The following C16orf46 variants were observed in gnomAD, a reference collection of about 807,000 sequenced individuals.
The protein encoded by C16orf46 is chromosome 16 open reading frame 46, also known as uncharacterized protein C16orf46.
A neutral mutation model predicts 5.5 loss-of-function variants in C16orf46; 7 were observed. The ratio of observed to expected loss-of-function variants is 1.28; its 90% CI spans 0.73 to 2.40. The LOEUF is 2.40. Ranked by LOEUF, C16orf46 falls within the 30% of genes most tolerant of loss-of-function variation. The pLI is 0.00. For missense variants in C16orf46, 614 were observed against 476.0 expected (o/e 1.29, Z -2.70); for synonymous variants, 200 against 184.1 (o/e 1.09, Z -0.70).
chr16:81,064,596 A>G (rs1047277783), intron 2 of C16orf46, among the ~76,000 whole-genome samples: 6 of 151,328 alleles, frequency 4.0e-5, no homozygotes, highest in Non-Finnish European at 5.9e-5. Flanking sequence ...AAAAATACAA[A>G]ATTAGCTGGG....
chr16:81,073,335 C>A (rs2151759122), intron 1 of C16orf46, among the ~76,000 whole-genome samples: 2 of 152,230 alleles, frequency 1.3e-5, no homozygotes, highest in South Asian at 2.1e-4. Flanking sequence ...AGATACAACT[C>A]TGATTAGAGG....
chr16:81,067,186 C>T (rs1971679100), intron 1 of C16orf46, among the ~76,000 whole-genome samples: 2 of 152,120 alleles, frequency 1.3e-5, no homozygotes, highest in South Asian at 2.1e-4. Context: ...CCAGAAAATA[C>T]CTTTTCTAGT....
At chr16:81,074,598 T>C (rs937202909) in intron 1 of C16orf46, among the ~76,000 whole-genome samples, 5 of 152,128 alleles carry the variant, frequency 3.3e-5, no homozygotes, top group African/African-American at 9.7e-5. Flanking sequence ...TTGGCTAGGA[T>C]GGTCTCGATC....
At chr16:81,073,127 G>T (rs974099804) in intron 1 of C16orf46, among the ~76,000 whole-genome samples, 2 of 152,190 alleles carry the variant, frequency 1.3e-5, no homozygotes, top group Admixed American at 1.3e-4. Flanking sequence ...AAATACAGTT[G>T]CTGTTTCACA....
downstream of C16orf46, among the ~76,000 whole-genome samples, chr16:81,057,493 G>A (rs1971333187): frequency 6.8e-6 from 1 of 146,382 alleles, no homozygotes; most frequent in Non-Finnish European, 1.5e-5. Context: ...AGTTTGTAGT[G>A]AGTTGAGATC....
chr16:81,063,098 T>A (rs554990353), intron 3 of C16orf46, among the ~76,000 whole-genome samples: 1 of 151,730 alleles, frequency 6.6e-6, no homozygotes, highest in East Asian at 1.9e-4. Context: ...ATACAAAAAT[T>A]AGCTGGGCAT....
At chr16:81,060,793 C>G (rs188843093), downstream of C16orf46, 445 of 224,206 alleles carry the variant, frequency 2.0e-3, 3 homozygotes, top group African/African-American at 9.7e-3. Context: ...GGCTGACGTG[C>G]GGCCAGCATG....
intron 1 of C16orf46, among the ~76,000 whole-genome samples, chr16:81,069,559 C>T (rs904160633): frequency 1.3e-5 from 2 of 152,110 alleles, no homozygotes; most frequent in Admixed American, 6.5e-5. Context: ...TAAGGAGAAG[C>T]GGGGCTAATA....
Position 81,061,377 on chromosome 16 carries a change from C to A in C16orf46, c.972G>T (p.Leu324Phe). Residue 324 changes from leucine to phenylalanine, a missense_variant, in exon 4 of 4, where the codon TTG (leucine) becomes TTT (phenylalanine). By Grantham distance (22) the Leu-to-Phe change is conservative. Coordinates refer to ENST00000299578, the MANE Select transcript of C16orf46 (RefSeq NM_152337.3). ...DPSNVRYLAA[L>F]QLLQKRGVQS... ...GCACTCCCCGTTTCTGCAGAAGCTG[C>A]AAGGCAGCAAGGTAGCGAACGTTGC... 1.9e-6 allele frequency: 3 copies of A among 1,614,104 alleles called. No homozygotes were observed. The highest frequency in any genetic ancestry group is 2.5e-6 in the Non-Finnish European group (3 of 1,180,004).
intron 2 of C16orf46, among the ~76,000 whole-genome samples, chr16:81,064,607 T>C (rs1200746804): frequency 2.0e-5 from 3 of 150,814 alleles, no homozygotes; most frequent in African/African-American, 7.3e-5. Context: ...ATTAGCTGGG[T>C]GTGGTGCTGC....
rs773915547 is a variant in C16orf46 at position 81,061,138 on chromosome 16, C to T, written c.*23G>A. The stretch of plus-strand genomic sequence containing the variant: ...GGCTGCATCTCAAACGGTGCTTATT[C>T]CCAGGGGTTCTACCGCAACCGCTCA... On this transcript the variant is annotated 3_prime_UTR_variant, in exon 4 of 4. Coordinates refer to ENST00000299578, the MANE Select transcript of C16orf46 (RefSeq NM_152337.3). The T allele has an allele frequency of 2.3e-5, 36 of 1,558,896 alleles. No individual in the cohort carries two copies. The highest frequency in any genetic ancestry group is 3.9e-5 in the Admixed American group (2 of 51,268).
intron 1 of C16orf46, among the ~76,000 whole-genome samples, chr16:81,071,373 G>A (rs940739992): frequency 1.3e-5 from 2 of 152,232 alleles, no homozygotes; most frequent in Non-Finnish European, 1.5e-5. Context: ...TGCAGGGGAA[G>A]AGAAGTCACT....
chr16:81,060,010 G>T (rs942400428), downstream of C16orf46, among the ~76,000 whole-genome samples: 1 of 151,756 alleles, frequency 6.6e-6, no homozygotes, highest in Admixed American at 6.6e-5. Flanking sequence ...GGATGGTCTC[G>T]ATCTCCTGAC....
At chr16:81,057,642 A>G (rs1212641309), downstream of C16orf46, among the ~76,000 whole-genome samples, 1 of 150,358 alleles carries the variant, frequency 6.7e-6, no homozygotes, top group Non-Finnish European at 1.5e-5. Flanking sequence ...TACCATCATC[A>G]TCTTTTGAAA....
Position 81,061,566 on chromosome 16 carries a change from T to A in C16orf46, c.783A>T (p.Lys261Asn). ...YAYGLKTADG[K>N]GEKRASELAK... ...CCAGCTCACTGGCTCTTTTTTCACC[T>A]TTCCCATCTGCTGTTTTCAAGCCAT... The change falls in exon 4 of 4, where the codon AAA (lysine) becomes AAT (asparagine). Residue 261 changes from lysine (K) to asparagine (N), a missense_variant. Transcript: ENST00000299578. The A allele has an allele frequency of 6.2e-7, 1 of 1,614,176 alleles. No individual in the cohort carries two copies. The highest frequency in any genetic ancestry group is 1.6e-4 in the Middle Eastern group (1 of 6,062).
intron 1 of C16orf46, among the ~76,000 whole-genome samples, chr16:81,068,109 G>C (rs1032098894): frequency 1.3e-5 from 2 of 152,188 alleles, no homozygotes; most frequent in East Asian, 3.8e-4. Flanking sequence ...ACTATATTGA[G>C]ATCATGTAAT....
At chr16:81,074,455 G>A (rs749345362) in intron 1 of C16orf46, among the ~76,000 whole-genome samples, 1 of 151,946 alleles carries the variant, frequency 6.6e-6, no homozygotes, top group Non-Finnish European at 1.5e-5. Flanking sequence ...TATGATCTCA[G>A]CTCCCTGCAA....
chr16:81,056,988 G>C (rs974913960), downstream of C16orf46, among the ~76,000 whole-genome samples: 1 of 152,100 alleles, frequency 6.6e-6, no homozygotes, highest in Non-Finnish European at 1.5e-5. Context: ...TTGCCCTAAA[G>C]GGGCATTTGG....
At position 81,061,388 on chromosome 16, in the gene C16orf46, G is replaced by T; in HGVS notation, c.961C>A (p.Leu321Ile). ...CPPDPSNVRY[L>I]AALQLLQKRG... ...TTCTGCAGAAGCTGCAAGGCAGCAA[G>T]GTAGCGAACGTTGCTGGGGTCTGGA... The change falls in exon 4 of 4, where the codon CTT (leucine) becomes ATT (isoleucine). Residue 321 changes from leucine (L) to isoleucine (I), a missense_variant. Leu to Ile is a conservative substitution (Grantham distance 5). Transcript: ENST00000299578. 6.2e-7 allele frequency: 1 copy of T among 1,614,180 alleles called. No homozygotes were observed.
Sources: gnomAD v4.1 joint callset for allele counts (sites outside exome capture counted in the v4.1 genomes callset) on GRCh38, gnomAD v4.1.1 for gene constraint, MANE v1.5 for transcripts, NCBI Gene and HGNC (gene_info 2026-07-23, HGNC 2026-07-21) for gene names.